The following PAXIP1 variants were observed in gnomAD, a reference collection of about 807,000 sequenced individuals.
PAXIP1 encodes PAX interacting protein 1, also known as PAX-interacting protein 1.
In PAXIP1, 19 loss-of-function variants were observed where a neutral mutation model predicts 140.6. The ratio of observed to expected loss-of-function variants is 0.14; its 90% confidence interval spans 0.09 to 0.20. PAXIP1 has a LOEUF of 0.20. Among genes scored for constraint, PAXIP1 ranks in the 10% least tolerant of loss-of-function variants. The pLI is 1.00. For synonymous variants in PAXIP1, 442 were observed against 444.6 expected (o/e 0.99, Z 0.07); for missense variants, 920 against 1,208.6 (o/e 0.76, Z 3.54).
In PAXIP1 at chr7:154,968,857, A is replaced by T. The variant is rs1809158531; in HGVS notation, c.1344T>A (p.Phe448Leu). The change falls in exon 7 of 21, where the codon TTT becomes TTA. Residue 448 changes from phenylalanine (F) to leucine (L), a missense_variant. Around this residue, in one of 5 missense-constraint regions of PAXIP1, gnomAD observed 133 missense variants for 88.4 expected, o/e 1.50. Coordinates refer to ENST00000404141, the MANE Select transcript of PAXIP1 (RefSeq NM_007349.4). ...GCTGCTGCTGCTGCTGTTGCTGTGAAAATGGATGCGGCGGCTGCTGGGGGT... is the reference window on the plus strand; with the variant it reads ...GCTGCTGCTGCTGCTGTTGCTGTGATAATGGATGCGGCGGCTGCTGGGGGT... ...QPYPQQPPHPFSQQQQQQQQA... is the reference protein window; with the variant it reads ...QPYPQQPPHPLSQQQQQQQQA... 3.7e-6 allele frequency: 3 copies of T among 812,806 alleles called. No individual in the cohort carries two copies. The highest frequency in any genetic ancestry group is 6.3e-6 in the Non-Finnish European group (3 of 474,556). 50.3% of individuals were successfully genotyped at this position (812,806 alleles called of 1,614,324 possible).
rs1810993291 is a variant in PAXIP1 at position 155,002,840 on chromosome 7, G to A, written c.81+9C>T. On this transcript the variant is annotated intron_variant, in intron 1 of 20. Coordinates refer to ENST00000404141, the MANE Select transcript of PAXIP1 (RefSeq NM_007349.4). ...GGGGAGGAGGCCGCGGCAGGGGCGG[G>A]CGCGGTACCTGCGGGTCGATGTCGC... The A allele has an allele frequency of 1.5e-6, 2 of 1,367,278 alleles. No homozygotes were observed. The highest frequency in any genetic ancestry group is 2.4e-5 in the Admixed American group (1 of 41,902). 84.7% of individuals were successfully genotyped at this position (1,367,278 alleles called of 1,614,324 possible).
intron 6 of PAXIP1, among the ~76,000 whole-genome samples, chr7:154,969,537 C>T (rs1389537935): frequency 6.6e-6 from 1 of 152,256 alleles, no homozygotes; most frequent in Non-Finnish European, 1.5e-5. Context: ...CAGACCCTCT[C>T]CTGGCCCAGG....
intron 6 of PAXIP1, among the ~76,000 whole-genome samples, chr7:154,971,760 C>A (rs905956031): frequency 6.6e-6 from 1 of 152,182 alleles, no homozygotes; most frequent in African/African-American, 2.4e-5. Context: ...CATCACATGG[C>A]TTCTAACCAC....
At chr7:154,965,791 A>C (rs1457963303) in intron 8 of PAXIP1, 2 of 152,266 alleles carry the variant, frequency 1.3e-5, no homozygotes, top group African/African-American at 4.8e-5. Context: ...CCAGGCTATT[A>C]GTAATTTGGG....
chr7:154,969,573 G>A (rs764404979), intron 6 of PAXIP1, among the ~76,000 whole-genome samples: 3 of 152,260 alleles, frequency 2.0e-5, no homozygotes, highest in Admixed American at 6.5e-5. Flanking sequence ...GACAGGTGGT[G>A]AAGGCATCTG....
Position 154,945,053 on chromosome 7 carries a change from T to C in PAXIP1, c.3195-889A>G, listed in dbSNP as rs532831460. ...CCCAGGCTGTAGTGCAATGGCGCGA[T>C]ATTGGCTCACTGCAACCCCTGCCTC... is the stretch of plus-strand genomic sequence containing the variant. On this transcript the variant is annotated intron_variant, in intron 20 of 20. Transcript: ENST00000404141. 2.0e-5 allele frequency: 3 copies of C among 151,426 alleles called. No individual in the cohort carries two copies. The East Asian group carries it at 5.8e-4, about 29-fold the overall frequency. 9.4% of individuals were successfully genotyped at this position (151,426 alleles called of 1,614,324 possible).
intron 3 of PAXIP1, among the ~76,000 whole-genome samples, chr7:154,993,285 C>T (rs1490624945): frequency 6.6e-6 from 1 of 152,196 alleles, no homozygotes; most frequent in African/African-American, 2.4e-5. Context: ...ACTCAACCCA[C>T]AGCACAGGTG....
intron 13 of PAXIP1, among the ~76,000 whole-genome samples, chr7:154,958,192 G>A (rs1009470259): frequency 1.3e-5 from 2 of 152,150 alleles, no homozygotes; most frequent in Non-Finnish European, 2.9e-5. Context: ...TCCAGTCCCT[G>A]ACCCTGGAGC....
At chr7:154,972,253 G>A (rs1809363979) in intron 6 of PAXIP1, among the ~76,000 whole-genome samples, 1 of 152,220 alleles carries the variant, frequency 6.6e-6, no homozygotes, top group Non-Finnish European at 1.5e-5. Flanking sequence ...TTGGGAGGCC[G>A]AGGTAGGCAG....
In PAXIP1 at chr7:154,968,898, TCTGCTG is replaced by T. The variant is rs151102688; in HGVS notation, c.1297_1302del (p.Gln433_Gln434del). On this transcript the variant is annotated inframe_deletion, in exon 7 of 21. Transcript: ENST00000404141. Reference sequence around the variant, plus strand: ...TGCTGGGGGTAAGGTTGCTGAGAGATCTGCTGCTGCTGCTGCTGCTGGAGCTGCATT... The same window carrying T: ...TGCTGGGGGTAAGGTTGCTGAGAGATCTGCTGCTGCTGCTGGAGCTGCATT... 33 of 1,156,918 alleles carry T rather than the reference TCTGCTG, an allele frequency of 2.9e-5. No individual in the cohort carries two copies. Among genetic ancestry groups the T allele is most frequent in the African/African-American group, 6.4e-5 (4 of 62,326 alleles). The allele number at this position is 1,156,918 out of a possible 1,614,324, so 71.7% of individuals were successfully genotyped here.
intron 8 of PAXIP1, among the ~76,000 whole-genome samples, chr7:154,966,079 CT>C (rs1200885190): frequency 6.6e-6 from 1 of 152,236 alleles, no homozygotes; most frequent in African/African-American, 2.4e-5. Flanking sequence ...GTTTCACTCT[CT>C]GCTGGCATAG....
chr7:154,962,722 G>C, intron 9 of PAXIP1: 1 of 258,840 alleles, frequency 3.9e-6, no homozygotes, highest in Non-Finnish European at 7.5e-6. Context: ...TAACTTCAGT[G>C]ATGACTGAAA....
chr7:154,996,779 T>C lies in PAXIP1; in HGVS notation c.216+1871A>G, dbSNP rs535741699. On this transcript the variant is annotated intron_variant, in intron 2 of 20. Transcript: ENST00000404141. ...AATTTATATATACATATTTTAAAGG[T>C]TGGCTTACGTATCGATTCATTTCTG... Among the ~76,000 whole-genome samples the C allele has an allele frequency of 4.2e-4, 64 of 152,312 alleles. No individual in the cohort carries two copies. In the South Asian group the frequency reaches 0.012, roughly 28 times the overall value.
At chr7:154,977,144 G>A (rs1278474121) in intron 5 of PAXIP1, among the ~76,000 whole-genome samples, 2 of 152,166 alleles carry the variant, frequency 1.3e-5, no homozygotes, top group Non-Finnish European at 2.9e-5. Flanking sequence ...AGTATGTTCG[G>A]CAAGCTAACA....
At chr7:154,978,263 G>A (rs1409090910) in intron 5 of PAXIP1, among the ~76,000 whole-genome samples, 3 of 152,132 alleles carry the variant, frequency 2.0e-5, no homozygotes, top group Non-Finnish European at 2.9e-5. Context: ...TGTTAGCCAC[G>A]TGGTTGTTTC....
chr7:155,003,016 T>G lies in PAXIP1; in HGVS notation c.-87A>C. 1 of 336,746 alleles carries G rather than the reference T, an allele frequency of 3.0e-6. No individual in the cohort carries two copies. The highest frequency in any genetic ancestry group is 3.4e-6 in the Non-Finnish European group (1 of 298,420). The allele number at this position is 336,746 out of a possible 1,614,324, so 20.9% of individuals were successfully genotyped here. On this transcript the variant is annotated 5_prime_UTR_variant, in exon 1 of 21. Transcript: ENST00000404141. Reference sequence around the variant, plus strand: ...CCCCCGCGGCGCCCGGCGCCCCCACTCGCCCCGCCAACGGCCCTGCCCGCG... The same window carrying G: ...CCCCCGCGGCGCCCGGCGCCCCCACGCGCCCCGCCAACGGCCCTGCCCGCG...
At chr7:154,998,595 AC>A in intron 2 of PAXIP1, 54 bp downstream of exon 2, 3 of 1,397,010 alleles carry the variant, frequency 2.1e-6, no homozygotes, top group African/African-American at 2.8e-5. Flanking sequence ...ACTTCAATGT[AC>A]TGCTTGCAAG....
chr7:154,967,963 G>T, intron 7 of PAXIP1, 53 bp from the exon 8 acceptor site: 1 of 1,195,428 alleles, frequency 8.4e-7, no homozygotes, highest in Non-Finnish European at 1.2e-6. Context: ...GAATATGCTT[G>T]CACAAAAGTT....
chr7:154,958,405 T>A (rs930256846), intron 13 of PAXIP1, among the ~76,000 whole-genome samples: 2 of 152,226 alleles, frequency 1.3e-5, no homozygotes, highest in Non-Finnish European at 2.9e-5. Context: ...TCAATCTTAT[T>A]AATTTACTTC....
Sources: allele counts gnomAD v4.1 joint callset (sites outside exome capture counted in the v4.1 genomes callset), GRCh38; gene constraint gnomAD v4.1.1; regional missense constraint gnomAD v4.1.1; transcripts MANE v1.5; gene names NCBI Gene and HGNC (gene_info 2026-07-23, HGNC 2026-07-21).